The following ERBB4 variants were observed in gnomAD, a reference collection of about 807,000 sequenced individuals.
ERBB4 encodes the protein erb-b2 receptor tyrosine kinase 4, also known as receptor tyrosine-protein kinase erbB-4.
ERBB4 carries 42 observed loss-of-function variants against 158.0 expected under a neutral mutation model. That is an observed-to-expected ratio of 0.27 (90% CI 0.21 to 0.34). The LOEUF (loss-of-function observed/expected upper bound fraction) is 0.34, where lower values mean the gene tolerates loss of function less well. Ranked by LOEUF, ERBB4 falls within the 10% of genes least tolerant of loss-of-function variation. The pLI is 1.00. For missense variants in ERBB4, 1,333 were observed against 1,624.1 expected (o/e 0.82, Z 3.08); for synonymous variants, 583 against 558.7 (o/e 1.04, Z -0.61).
chr2:212,246,185 G>A (rs2084301722), intron 1 of ERBB4, among the ~76,000 whole-genome samples: 1 of 152,114 alleles, frequency 6.6e-6, no homozygotes, highest in Admixed American at 6.6e-5. Context: ...TATCTCCAAT[G>A]CAACAGTCAA....
intron 1 of ERBB4, among the ~76,000 whole-genome samples, chr2:212,431,043 T>A (rs924354892): frequency 1.3e-5 from 2 of 152,126 alleles, no homozygotes; most frequent in Admixed American, 1.3e-4. Flanking sequence ...TCTTCTCATA[T>A]CCTTGATGTT....
intron 20 of ERBB4, among the ~76,000 whole-genome samples, chr2:211,462,850 A>G (rs1000901267): frequency 1.3e-5 from 2 of 152,202 alleles, no homozygotes; most frequent in South Asian, 2.1e-4. Context: ...TTCAAAATCA[A>G]TGTTTTTGTT....
intron 3 of ERBB4, among the ~76,000 whole-genome samples, chr2:211,938,299 A>G (rs2080384850): frequency 6.6e-6 from 1 of 152,128 alleles, no homozygotes; most frequent in African/African-American, 2.4e-5. Flanking sequence ...TGAGGCTTAG[A>G]AAGTTGAATC....
chr2:211,474,688 T>C (rs552566728), intron 20 of ERBB4, among the ~76,000 whole-genome samples: 2 of 152,054 alleles, frequency 1.3e-5, no homozygotes, highest in African/African-American at 2.4e-5. Context: ...CCAAGTAAAA[T>C]TGTAATATAA....
intron 1 of ERBB4, among the ~76,000 whole-genome samples, chr2:212,236,004 T>C (rs1399880706): frequency 6.6e-6 from 1 of 152,234 alleles, no homozygotes; most frequent in Non-Finnish European, 1.5e-5. Context: ...CAGTACTATG[T>C]TGAATAGGAG....
chr2:211,738,326 T>G (rs62182997), intron 5 of ERBB4, among the ~76,000 whole-genome samples: 1 of 151,502 alleles, frequency 6.6e-6, no homozygotes, highest in Non-Finnish European at 1.5e-5. Context: ...TATACTTAAC[T>G]ATAATGCAGT....
chr2:212,084,178 A>C (rs764451046), intron 2 of ERBB4, among the ~76,000 whole-genome samples: 1 of 151,978 alleles, frequency 6.6e-6, no homozygotes, highest in Non-Finnish European at 1.5e-5. Context: ...AAGACAAATG[A>C]CTTCTATGAG....
chr2:212,055,212 T>C (rs1477515015), intron 2 of ERBB4, among the ~76,000 whole-genome samples: 1 of 152,094 alleles, frequency 6.6e-6, no homozygotes, highest in African/African-American at 2.4e-5. Context: ...AGCACAGCAG[T>C]CTGAGATCGA....
intron 1 of ERBB4, among the ~76,000 whole-genome samples, chr2:212,420,642 C>A (rs1355151130): frequency 6.6e-6 from 1 of 152,132 alleles, no homozygotes; most frequent in African/African-American, 2.4e-5. Context: ...ATAGAAGTTT[C>A]TTTCTGCATC....
At chr2:212,004,799 C>G (rs2076221794) in intron 2 of ERBB4, among the ~76,000 whole-genome samples, 1 of 151,848 alleles carries the variant, frequency 6.6e-6, no homozygotes, top group African/African-American at 2.4e-5. Flanking sequence ...TAAAACTAAT[C>G]CCCTTTAGCC....
At chr2:212,182,347 T>G (rs986730996) in intron 1 of ERBB4, among the ~76,000 whole-genome samples, 11 of 151,840 alleles carry the variant, frequency 7.2e-5, no homozygotes, top group African/African-American at 2.7e-4. Flanking sequence ...TCACAATTCT[T>G]GACAGTTTTT....
chr2:212,476,273 A>G (rs1490805477), intron 1 of ERBB4, among the ~76,000 whole-genome samples: 1 of 152,148 alleles, frequency 6.6e-6, no homozygotes, highest in Non-Finnish European at 1.5e-5. Context: ...CTCCCTCACT[A>G]GAGCAAAAAC....
At chr2:211,740,622 C>CTTTTTTTT (rs1169540948) in intron 5 of ERBB4, among the ~76,000 whole-genome samples, 110 of 90,170 alleles carry the variant, frequency 1.2e-3, no homozygotes, top group African/African-American at 1.7e-3. Context: ...TTTTCTTTGT[C>CTTTTTTTT]TTTTTTTTTT....
intron 1 of ERBB4, among the ~76,000 whole-genome samples, chr2:212,381,082 C>A (rs1284966232): frequency 1.3e-5 from 2 of 151,308 alleles, no homozygotes; most frequent in Non-Finnish European, 3.0e-5. Context: ...CTTCCCACAT[C>A]ACACAAAAGA....
intron 4 of ERBB4, among the ~76,000 whole-genome samples, chr2:211,773,531 G>T (rs1285889409): frequency 7.1e-6 from 1 of 140,048 alleles, no homozygotes; most frequent in African/African-American, 2.6e-5. Context: ...TGGAGGTCAG[G>T]TTAAGTACTT....
intron 2 of ERBB4, among the ~76,000 whole-genome samples, chr2:211,975,237 C>T (rs895884832): frequency 1.3e-5 from 2 of 152,162 alleles, no homozygotes. Flanking sequence ...CCGCCTCCAC[C>T]GCCCAAAGTA....
chr2:212,388,527 G>C (rs1281458785), intron 1 of ERBB4, among the ~76,000 whole-genome samples: 1 of 152,028 alleles, frequency 6.6e-6, no homozygotes, highest in Non-Finnish European at 1.5e-5. Flanking sequence ...TGAGCAGCCA[G>C]AGCACAAAGG....
intron 3 of ERBB4, among the ~76,000 whole-genome samples, chr2:211,895,905 G>A (rs775766798): frequency 6.6e-6 from 1 of 152,046 alleles, no homozygotes; most frequent in Non-Finnish European, 1.5e-5. Flanking sequence ...GATTTCTCAT[G>A]AACAGTTGTT....
At chr2:211,852,215 T>C (rs1280601598) in intron 3 of ERBB4, among the ~76,000 whole-genome samples, 1 of 151,930 alleles carries the variant, frequency 6.6e-6, no homozygotes, top group East Asian at 1.9e-4. Context: ...TTGCCCCATG[T>C]TGAAGCCATG....
Sources: allele counts gnomAD v4.1 joint callset (sites outside exome capture counted in the v4.1 genomes callset), GRCh38; gene constraint gnomAD v4.1.1; transcripts MANE v1.5; gene names NCBI Gene and HGNC (gene_info 2026-07-23, HGNC 2026-07-21).